The following ABCA9 variants were observed in gnomAD, a reference collection of about 807,000 sequenced individuals.
ABCA9 encodes the protein ATP binding cassette subfamily A member 9, also known as ATP-binding cassette sub-family A member 9.
ABCA9 carries 183 observed loss-of-function variants against 205.3 expected under a neutral mutation model. The ratio of observed to expected loss-of-function variants is 0.89; its 90% CI spans 0.79 to 1.01. The LOEUF (loss-of-function observed/expected upper bound fraction) is 1.01. Among genes scored for constraint, ABCA9 ranks in the 50% least tolerant of loss-of-function variants. The probability of loss-of-function intolerance (pLI) is 0.00; values close to 1 mark genes in which losing one functional copy is unlikely to be tolerated. For missense variants in ABCA9, 1,805 were observed against 1,912.4 expected (o/e 0.94, Z 1.05); for synonymous variants, 651 against 683.3 (o/e 0.95, Z 0.74).
chr17:68,978,257 A>G (rs960004337), intron 37 of ABCA9, among the ~76,000 whole-genome samples: 1 of 152,078 alleles, frequency 6.6e-6, no homozygotes, highest in African/African-American at 2.4e-5. Flanking sequence ...TTGTTGGTTT[A>G]AAGTCTGTTT....
the ABCA9 span, among the ~76,000 whole-genome samples, chr17:69,066,319 T>C: frequency 6.6e-6 from 1 of 152,160 alleles, no homozygotes; most frequent in East Asian, 1.9e-4. Flanking sequence ...TCAATACATA[T>C]GTTTTAAGTT....
At chr17:68,985,259 C>T in intron 32 of ABCA9, 131 bp from the exon 33 acceptor site, 4 of 1,090,794 alleles carry the variant, frequency 3.7e-6, no homozygotes, top group Non-Finnish European at 5.4e-6. Flanking sequence ...AAATTTAAAC[C>T]ACCTAGGTAC....
intron 19 of ABCA9, 80 bp from the exon 20 acceptor site, chr17:69,018,659 T>G: frequency 2.0e-6 from 2 of 1,009,380 alleles, no homozygotes; most frequent in Non-Finnish European, 2.9e-6. Context: ...ATAATGAATA[T>G]AATAACAGAA....
chr17:69,039,288 G>A (rs1263620603), intron 6 of ABCA9, among the ~76,000 whole-genome samples: 1 of 152,108 alleles, frequency 6.6e-6, no homozygotes, highest in Admixed American at 6.6e-5. Context: ...AAAGCTGGAG[G>A]CATCACACTA....
chr17:69,011,215 A>G (rs1337213653), intron 23 of ABCA9, among the ~76,000 whole-genome samples: 13 of 152,186 alleles, frequency 8.5e-5, no homozygotes, highest in Admixed American at 8.5e-4. Flanking sequence ...TGATTAAGTA[A>G]CTTTTGAGAT....
chr17:69,061,183 C>T, upstream of ABCA9: 1 of 982,172 alleles, frequency 1.0e-6, no homozygotes, highest in Non-Finnish European at 1.2e-6. Flanking sequence ...AACTATCAAA[C>T]CAAGGAGAAT....
At chr17:68,985,028 G>T (rs766888962) in intron 33 of ABCA9, 25 bp downstream of exon 33, 1 of 1,614,188 alleles carries the variant, frequency 6.2e-7, no homozygotes, top group East Asian at 2.2e-5. Context: ...GGCACTTGCA[G>T]AGCAACAACA....
intron 1 of ABCA9, among the ~76,000 whole-genome samples, chr17:69,057,973 G>A (rs548146857): frequency 6.6e-6 from 1 of 152,282 alleles, no homozygotes; most frequent in African/African-American, 2.4e-5. Context: ...ATGCAAATAT[G>A]ACACCATTTT....
At chr17:68,995,672 C>T (rs1351553569) in intron 26 of ABCA9, among the ~76,000 whole-genome samples, 2 of 136,612 alleles carry the variant, frequency 1.5e-5, no homozygotes, top group Non-Finnish European at 3.2e-5. Flanking sequence ...AACTAAACTT[C>T]CACTCTCCTG....
intron 3 of ABCA9, among the ~76,000 whole-genome samples, chr17:69,046,875 CTATATATATATATATATATATATATATA>C (rs71144650): frequency 7.8e-6 from 1 of 127,766 alleles, no homozygotes; most frequent in Non-Finnish European, 1.6e-5. Flanking sequence ...CGATTTTATA[CTATATATATATATATATATATATATATA>C]TATATATATA....
chr17:69,059,870 T>A (rs112181060), intron 1 of ABCA9, among the ~76,000 whole-genome samples: 111 of 152,166 alleles, frequency 7.3e-4, no homozygotes, highest in African/African-American at 2.6e-3. Flanking sequence ...AATTCACCAG[T>A]GATGCAGATG....
chr17:68,997,664 A>G (rs917427957), intron 25 of ABCA9, among the ~76,000 whole-genome samples: 4 of 146,716 alleles, frequency 2.7e-5, no homozygotes, highest in African/African-American at 1.0e-4. Flanking sequence ...TTTTAGCTTC[A>G]CAGCAAAATT....
chr17:69,049,529 A>G (rs756560105), intron 2 of ABCA9, 39 bp from the exon 3 acceptor site: 1 of 1,487,414 alleles, frequency 6.7e-7, no homozygotes, highest in Non-Finnish European at 9.3e-7. Context: ...AAACTGGTAG[A>G]TGTTATACCA....
chr17:69,036,871 CAA>C (rs781565554), intron 6 of ABCA9, among the ~76,000 whole-genome samples: 132 of 4,684 alleles, frequency 0.028, no homozygotes, highest in Non-Finnish European at 0.043. Flanking sequence ...AAATGGAAAG[CAA>C]AAAAAAAAAA....
At chr17:68,985,900 T>G (rs2069218907) in intron 32 of ABCA9, among the ~76,000 whole-genome samples, 1 of 151,054 alleles carries the variant, frequency 6.6e-6, no homozygotes, top group Admixed American at 6.6e-5. Flanking sequence ...GAGGTTGCAC[T>G]GAGCACTCCA....
intron 30 of ABCA9, among the ~76,000 whole-genome samples, chr17:68,989,485 C>A (rs977312835): frequency 1.2e-4 from 18 of 152,270 alleles, no homozygotes; most frequent in African/African-American, 4.3e-4. Context: ...ATGGAGAAAG[C>A]ACTGTTATGC....
Position 69,043,652 on chromosome 17 carries a change from A to G in ABCA9, c.637T>C (p.Leu213=), listed in dbSNP as rs1450815396. 2.0e-5 allele frequency: 32 copies of G among 1,613,698 alleles called. No homozygotes were observed. The highest frequency in any genetic ancestry group is 2.7e-5 in the Non-Finnish European group (32 of 1,179,902). The part of the protein sequence containing the change: ...MSVTGVHMKI[L]PFVAQGGVAT... The stretch of plus-strand genomic sequence containing the variant: ...ACTCCTCCTTGGGCAACAAAAGGTA[A>G]TATCTTCATATGTACACCAGTAACT... Residue 213 remains leucine, a synonymous_variant, in exon 6 of 39, where the codon TTA becomes CTA. Transcript: ENST00000340001.
chr17:69,068,628 G>A, the ABCA9 span, among the ~76,000 whole-genome samples: 1 of 152,108 alleles, frequency 6.6e-6, no homozygotes, highest in Admixed American at 6.6e-5. Context: ...TAATTCATGT[G>A]TAAGCATAAA....
At chr17:69,015,274 TGAA>T (rs1412499344) in intron 22 of ABCA9, among the ~76,000 whole-genome samples, 1 of 152,126 alleles carries the variant, frequency 6.6e-6, no homozygotes, top group African/African-American at 2.4e-5. Flanking sequence ...AATAGAAAAT[TGAA>T]GTTTGGGACT....
Sources: allele counts gnomAD v4.1 joint callset (sites outside exome capture counted in the v4.1 genomes callset), GRCh38; gene constraint gnomAD v4.1.1; transcripts MANE v1.5; gene names NCBI Gene and HGNC (gene_info 2026-07-23, HGNC 2026-07-21).